The following MORF4L1 variants were observed in gnomAD, a reference collection of about 807,000 sequenced individuals.
The protein encoded by MORF4L1 is mortality factor 4 like 1.
MORF4L1 carries 4 observed loss-of-function variants against 52.9 expected under a neutral mutation model. That is an observed-to-expected ratio of 0.08 (90% CI 0.04 to 0.17). The LOEUF is 0.17. Among genes scored for constraint, MORF4L1 ranks in the 10% least tolerant of loss-of-function variants. The pLI is 1.00. For synonymous variants in MORF4L1, 123 were observed against 134.8 expected, an observed-to-expected ratio of 0.91 and a Z score of 0.61; for missense variants, 214 against 390.4, an observed-to-expected ratio of 0.55 and a Z score of 3.81.
intron 3 of MORF4L1, among the ~76,000 whole-genome samples, chr15:78,882,878 T>C (rs1315316792): frequency 2.0e-5 from 3 of 152,068 alleles, no homozygotes; most frequent in African/African-American, 7.2e-5. Flanking sequence ...CTGGGCAACA[T>C]AGGTAGACAC....
At chr15:78,888,471 A>G (rs141513120) in intron 5 of MORF4L1, among the ~76,000 whole-genome samples, 1 of 152,204 alleles carries the variant, frequency 6.6e-6, no homozygotes, top group Non-Finnish European at 1.5e-5. Flanking sequence ...AAGTTGATGT[A>G]CCTGAAAGTG....
intron 1 of MORF4L1, among the ~76,000 whole-genome samples, chr15:78,874,583 C>CTTTCTT (rs904438056): frequency 8.9e-6 from 1 of 112,190 alleles, no homozygotes; most frequent in Admixed American, 1.1e-4. Flanking sequence ...CTTTTTCTTT[C>CTTTCTT]TTTTTTTTTT....
chr15:78,881,008 G>C (rs1298934428), intron 3 of MORF4L1, among the ~76,000 whole-genome samples: 2 of 151,798 alleles, frequency 1.3e-5, no homozygotes, highest in East Asian at 3.9e-4. Context: ...CTAGAAAAGG[G>C]GAAAGGATAA....
chr15:78,879,607 A>G (rs991596236), intron 2 of MORF4L1, among the ~76,000 whole-genome samples: 4 of 152,166 alleles, frequency 2.6e-5, no homozygotes, highest in African/African-American at 7.2e-5. Flanking sequence ...GTATACGTAC[A>G]TACATCTTAA....
At chr15:78,874,184 C>T (rs147916324) in intron 1 of MORF4L1, among the ~76,000 whole-genome samples, 265 of 152,310 alleles carry the variant, frequency 1.7e-3, no homozygotes, top group Middle Eastern at 6.8e-3. Flanking sequence ...CTTTAACATT[C>T]CTTTTCATTG....
intron 1 of MORF4L1, chr15:78,877,962 TGATA>T (rs1438519175): frequency 4.6e-5 from 18 of 389,998 alleles, no homozygotes; most frequent in African/African-American, 3.5e-4. Flanking sequence ...GCTTAACAGG[TGATA>T]GATGATTTGA....
Position 78,890,342 on chromosome 15 carries a change from G to A in MORF4L1, c.324-647G>A, listed in dbSNP as rs184055557. ...ATTACACAAATCTAAAAATATTTTG[G>A]GGAACAAAAATAATTGGAAAAAAAT... On this transcript the variant is annotated intron_variant, in intron 5 of 11. Transcript: ENST00000426013. Among the ~76,000 whole-genome samples, 23 of 151,848 alleles carry A rather than the reference G, an allele frequency of 1.5e-4. No individual in the cohort carries two copies. In the East Asian group the frequency reaches 4.1e-3, roughly 27 times the overall value.
chr15:78,884,827 A>G (rs1047811855), intron 3 of MORF4L1: 4 of 478,494 alleles, frequency 8.4e-6, no homozygotes, highest in African/African-American at 8.0e-5. Flanking sequence ...TAGATGATGG[A>G]GATTTCTAAA....
intron 1 of MORF4L1, among the ~76,000 whole-genome samples, chr15:78,874,410 T>C (rs772963981): frequency 2.6e-4 from 39 of 152,280 alleles, no homozygotes; most frequent in Admixed American, 1.9e-3. Flanking sequence ...ACGATGTTTG[T>C]CACCCAGGCT....
intron 3 of MORF4L1, 129 bp from the exon 4 acceptor site, chr15:78,886,012 T>C: frequency 1.5e-6 from 1 of 670,522 alleles, no homozygotes; most frequent in Non-Finnish European, 2.7e-6. Context: ...TTCATTTTAG[T>C]TGAGAATATA....
intron 3 of MORF4L1, among the ~76,000 whole-genome samples, chr15:78,883,017 C>T (rs2056629994): frequency 1.3e-5 from 2 of 152,000 alleles, no homozygotes; most frequent in South Asian, 2.1e-4. Context: ...GAGTTCAAGT[C>T]CAGCCTGGCC....
chr15:78,873,177 A>T, intron 1 of MORF4L1, 120 bp downstream of exon 1: 1 of 1,529,964 alleles, frequency 6.5e-7, no homozygotes, highest in Non-Finnish European at 8.8e-7. Flanking sequence ...GGCGGCGGTC[A>T]GTGCTTTGTG....
At chr15:78,885,471 G>T (rs1029546207) in intron 3 of MORF4L1, among the ~76,000 whole-genome samples, 6 of 152,200 alleles carry the variant, frequency 3.9e-5, no homozygotes, top group Admixed American at 2.0e-4. Context: ...TTTCTGATCA[G>T]CCTTGAAAGT....
At chr15:78,895,017 G>T (rs1212303405) in intron 11 of MORF4L1, 113 bp downstream of exon 11, 2 of 815,556 alleles carry the variant, frequency 2.5e-6, no homozygotes, top group Non-Finnish European at 4.0e-6. Flanking sequence ...GGCATAGATA[G>T]TTGGTAATGG....
chr15:78,873,920 T>C, intron 1 of MORF4L1: 1 of 152,268 alleles, frequency 6.6e-6, no homozygotes, highest in East Asian at 1.9e-4. Flanking sequence ...CGTTTGCATT[T>C]GTAAGTCCCA....
intron 3 of MORF4L1, among the ~76,000 whole-genome samples, chr15:78,880,814 A>G (rs965809543): frequency 2.6e-5 from 4 of 150,972 alleles, no homozygotes; most frequent in South Asian, 2.1e-4. Context: ...TGTAATATCT[A>G]TTAGTCATAT....
At chr15:78,876,120 T>A (rs2056484823) in intron 1 of MORF4L1, among the ~76,000 whole-genome samples, 1 of 151,938 alleles carries the variant, frequency 6.6e-6, no homozygotes, top group African/African-American at 2.4e-5. Flanking sequence ...GTATTTTTAG[T>A]AGAGACGGGG....
chr15:78,888,650 A>C (rs2056747775), intron 5 of MORF4L1, among the ~76,000 whole-genome samples: 2 of 152,108 alleles, frequency 1.3e-5, no homozygotes, highest in Non-Finnish European at 1.5e-5. Context: ...CTGAGGTGGG[A>C]GGGATTGCTT....
At chr15:78,884,075 A>G (rs928477224) in intron 3 of MORF4L1, among the ~76,000 whole-genome samples, 2 of 151,908 alleles carry the variant, frequency 1.3e-5, no homozygotes, top group Non-Finnish European at 2.9e-5. Context: ...GTGGTGGTTC[A>G]TGCCTGTAAT....
Sources: allele counts gnomAD v4.1 joint callset (sites outside exome capture counted in the v4.1 genomes callset), GRCh38; gene constraint gnomAD v4.1.1; transcripts MANE v1.5; gene names NCBI Gene and HGNC (gene_info 2026-07-23, HGNC 2026-07-21).